MTX2: variants seen among roughly 807,000 people sequenced by gnomAD.
MTX2 encodes metaxin 2.
Under a neutral mutation model 42.3 loss-of-function variants are expected in MTX2, and 35 were observed. That is an observed-to-expected ratio of 0.83 (90% CI 0.63 to 1.10). The LOEUF (loss-of-function observed/expected upper bound fraction) is 1.10. MTX2 is among the 50% of genes least tolerant of loss of function. The pLI, the probability that MTX2 is intolerant of heterozygous loss-of-function variation, is 0.00. For synonymous variants in MTX2, 119 were observed against 100.9 expected (o/e 1.18, Z -1.08); for missense variants, 307 against 304.1 (o/e 1.01, Z -0.07).
chr2:176,311,112 G>C (rs1310663539), intron 3 of MTX2, among the ~76,000 whole-genome samples: 2 of 151,910 alleles, frequency 1.3e-5, no homozygotes, highest in Non-Finnish European at 2.9e-5. Context: ...TGATGTTGAT[G>C]GTATTCCTTT....
chr2:176,311,379 A>C (rs909611237), intron 3 of MTX2, among the ~76,000 whole-genome samples: 1 of 152,186 alleles, frequency 6.6e-6, no homozygotes, highest in African/African-American at 2.4e-5. Context: ...TTGAAGAGGC[A>C]TTGTGTCTGT....
chr2:176,317,346 T>TA (rs35481722), intron 3 of MTX2, among the ~76,000 whole-genome samples: 9,082 of 152,180 alleles, frequency 0.06, 303 homozygotes, highest in Non-Finnish European at 0.08. Flanking sequence ...TGGCATAGAG[T>TA]AAGTGCTCAG....
chr2:176,270,321 C>G lies in MTX2; in HGVS notation c.40+652C>G, dbSNP rs1465335090. On this transcript the variant is annotated intron_variant, in intron 1 of 9. Coordinates refer to ENST00000249442, the MANE Select transcript of MTX2 (RefSeq NM_006554.5). ...GAGTAGTTGGGATTACAGGCGCCCGCCACCACGCCCGCGCGGATTCATGGA... is the reference window on the plus strand; with the variant it reads ...GAGTAGTTGGGATTACAGGCGCCCGGCACCACGCCCGCGCGGATTCATGGA... 4 of 1,335,266 alleles carry G rather than the reference C, an allele frequency of 3.0e-6. No homozygotes were observed. In the South Asian group the frequency reaches 4.8e-5, roughly 16 times the overall value. The allele number at this position is 1,335,266 out of a possible 1,614,324, so 82.7% of individuals were successfully genotyped here.
intron 3 of MTX2, among the ~76,000 whole-genome samples, chr2:176,309,086 G>A (rs1029834766): frequency 6.6e-6 from 1 of 152,120 alleles, no homozygotes; most frequent in Admixed American, 6.5e-5. Context: ...ATTCTGATAT[G>A]TTGTGTCTTT....
intron 1 of MTX2, among the ~76,000 whole-genome samples, chr2:176,293,595 T>G (rs1050371756): frequency 6.6e-6 from 1 of 151,986 alleles, no homozygotes; most frequent in Non-Finnish European, 1.5e-5. Flanking sequence ...CCCCCTTCTC[T>G]TGCTCCTGCT....
chr2:176,302,635 A>C (rs185683946), intron 3 of MTX2, among the ~76,000 whole-genome samples: 178 of 152,010 alleles, frequency 1.2e-3, no homozygotes, highest in African/African-American at 4.1e-3. Flanking sequence ...ACGGGGTTTC[A>C]CCATGTTGGC....
At chr2:176,287,356 A>G (rs1306140200) in intron 1 of MTX2, among the ~76,000 whole-genome samples, 1 of 152,236 alleles carries the variant, frequency 6.6e-6, no homozygotes, top group Non-Finnish European at 1.5e-5. Flanking sequence ...ATATACACTG[A>G]GTATCCCCAA....
intron 3 of MTX2, among the ~76,000 whole-genome samples, chr2:176,302,700 A>G (rs1684053962): frequency 6.6e-6 from 1 of 152,104 alleles, no homozygotes; most frequent in South Asian, 2.1e-4. Flanking sequence ...AGCCTCCCAA[A>G]GTGCTGGGTT....
chr2:176,313,941 C>CA (rs907593882), intron 3 of MTX2, among the ~76,000 whole-genome samples: 8 of 152,070 alleles, frequency 5.3e-5, no homozygotes, highest in Non-Finnish European at 1.2e-4. Flanking sequence ...ACAGCAATCT[C>CA]AATGAGTTAG....
At chr2:176,313,904 A>C (rs1275012595) in intron 3 of MTX2, among the ~76,000 whole-genome samples, 2 of 152,180 alleles carry the variant, frequency 1.3e-5, no homozygotes, top group African/African-American at 4.8e-5. Flanking sequence ...ACTCAGCAAC[A>C]GAAAGTAAGA....
intron 3 of MTX2, among the ~76,000 whole-genome samples, chr2:176,302,209 A>G (rs1684042815): frequency 6.6e-6 from 1 of 150,962 alleles, no homozygotes; most frequent in African/African-American, 2.4e-5. Flanking sequence ...ACTGATGATC[A>G]TTATTAGAAT....
chr2:176,327,593 C>T lies in MTX2; in HGVS notation c.285+692C>T, dbSNP rs560419789. ...TATATATTATTTTTTTTTTCTTCAA[C>T]ACCCTCCCCCTGTATTGGATAAATT... is the stretch of plus-strand genomic sequence containing the variant. On this transcript the variant is annotated intron_variant, in intron 5 of 9. Coordinates refer to ENST00000249442, the MANE Select transcript of MTX2 (RefSeq NM_006554.5). Among the ~76,000 whole-genome samples, 513 of 146,836 alleles carry T rather than the reference C, an allele frequency of 3.5e-3. 4 individuals carry two copies. The highest frequency in any genetic ancestry group is 0.014 in the Middle Eastern group (4 of 282).
chr2:176,271,833 C>T (rs976047394), intron 1 of MTX2, among the ~76,000 whole-genome samples: 1 of 152,064 alleles, frequency 6.6e-6, no homozygotes, highest in Non-Finnish European at 1.5e-5. Flanking sequence ...TTTGTAATAG[C>T]GAAAAACTAG....
intron 1 of MTX2, among the ~76,000 whole-genome samples, chr2:176,288,736 G>A (rs1693262902): frequency 6.6e-6 from 1 of 151,792 alleles, no homozygotes; most frequent in Non-Finnish European, 1.5e-5. Context: ...TGTAATATTA[G>A]TGCCTATTAT....
intron 1 of MTX2, among the ~76,000 whole-genome samples, chr2:176,279,824 T>A (rs1288872582): frequency 6.6e-6 from 1 of 152,162 alleles, no homozygotes; most frequent in Non-Finnish European, 1.5e-5. Context: ...ATTTGGTGGC[T>A]GTTTGGAGAA....
rs146576374 is a variant in MTX2 at position 176,280,735 on chromosome 2, A to G, written c.40+11066A>G. Among the ~76,000 whole-genome samples the G allele has an allele frequency of 4.1e-3, 629 of 152,368 alleles. 2 individuals carry two copies. Among genetic ancestry groups the G allele is most frequent in the Non-Finnish European group, 6.6e-3 (446 of 68,036 alleles). On this transcript the variant is annotated intron_variant, in intron 1 of 9. Transcript: ENST00000249442. ...ACTAAGCCAATCCACAAGTCAGTCA[A>G]TGTTGCAAACCGCACGTAGCAGTAT...
intron 1 of MTX2, among the ~76,000 whole-genome samples, chr2:176,277,393 T>A (rs986153615): frequency 1.3e-5 from 2 of 152,222 alleles, no homozygotes; most frequent in Non-Finnish European, 2.9e-5. Flanking sequence ...AGAAATACAA[T>A]GCATTAAATT....
chr2:176,285,798 T>G (rs1693186167), intron 1 of MTX2, among the ~76,000 whole-genome samples: 1 of 152,198 alleles, frequency 6.6e-6, no homozygotes, highest in African/African-American at 2.4e-5. Flanking sequence ...AATGAACATC[T>G]GGGTTGCTTT....
chr2:176,293,086 A>G (rs1481575529), intron 1 of MTX2, among the ~76,000 whole-genome samples: 1 of 152,134 alleles, frequency 6.6e-6, no homozygotes, highest in Non-Finnish European at 1.5e-5. Flanking sequence ...ACCAAAATAA[A>G]CCTAAAAGTC....
Sources: gnomAD v4.1 joint callset for allele counts (sites outside exome capture counted in the v4.1 genomes callset) on GRCh38, gnomAD v4.1.1 for gene constraint, MANE v1.5 for transcripts, NCBI Gene and HGNC (gene_info 2026-07-23, HGNC 2026-07-21) for gene names.